Variants in VDAC1 observed in about 807,000 individuals in gnomAD.
The protein encoded by VDAC1 is non-selective voltage-gated ion channel VDAC1.
Under a neutral mutation model 34.7 loss-of-function variants are expected in VDAC1, and 10 were observed. The ratio of observed to expected loss-of-function variants is 0.29; its 90% CI spans 0.18 to 0.49. The LOEUF is 0.49. VDAC1 is among the 20% of genes least tolerant of loss of function. The pLI, the probability that VDAC1 is intolerant of heterozygous loss-of-function variation, is 0.99. For missense variants in VDAC1, 230 were observed against 347.9 expected (o/e 0.66, Z 2.69); for synonymous variants, 130 against 136.0 (o/e 0.96, Z 0.30).
At chr5:134,050,679 G>A in the VDAC1 span, among the ~76,000 whole-genome samples, 1 of 152,212 alleles carries the variant, frequency 6.6e-6, no homozygotes, top group Admixed American at 6.5e-5. Flanking sequence ...TTCTCCTAAT[G>A]GGAATTAGCC....
At chr5:134,019,301 G>C in the VDAC1 span, among the ~76,000 whole-genome samples, 1 of 152,142 alleles carries the variant, frequency 6.6e-6, no homozygotes. Context: ...ACTTTGGCCA[G>C]CCACAGTAGC....
Position 133,994,762 on chromosome 5 carries a change from G to A in VDAC1, c.-6-1744C>T, listed in dbSNP as rs1226218654. On this transcript the variant is annotated intron_variant, in intron 1 of 8. Coordinates refer to ENST00000265333, the MANE Select transcript of VDAC1 (RefSeq NM_003374.3). ...CCCAGAACATTCTCCACCCGACAGG[G>A]TTAACAAACCATCAGTGAACCAAGT... Among the ~76,000 whole-genome samples, 7 of 152,138 alleles carry A rather than the reference G, an allele frequency of 4.6e-5. No homozygotes were observed. The East Asian group carries it at 1.3e-3, about 29-fold the overall frequency.
intron 1 of VDAC1, among the ~76,000 whole-genome samples, chr5:133,997,774 G>GCTA (rs900373840): frequency 7.0e-6 from 1 of 143,186 alleles, no homozygotes; most frequent in African/African-American, 2.6e-5. Context: ...TAGCTATGAA[G>GCTA]CTACGATAGC....
chr5:134,102,827 G>A, the VDAC1 span, among the ~76,000 whole-genome samples: 1 of 152,100 alleles, frequency 6.6e-6, no homozygotes. Flanking sequence ...GCAGAGGAGG[G>A]TCCCTGCCTC....
the VDAC1 span, among the ~76,000 whole-genome samples, chr5:134,037,046 T>C: frequency 6.6e-6 from 1 of 151,630 alleles, no homozygotes. Flanking sequence ...CTCAGGCTGA[T>C]GAGGATGCAG....
chr5:134,048,161 G>C, the VDAC1 span, among the ~76,000 whole-genome samples: 1 of 151,752 alleles, frequency 6.6e-6, no homozygotes, highest in Non-Finnish European at 1.5e-5. Context: ...GTAGAGACGG[G>C]GTTTCACCCT....
chr5:134,109,170 T>G, the VDAC1 span, among the ~76,000 whole-genome samples: 4 of 152,152 alleles, frequency 2.6e-5, no homozygotes, highest in African/African-American at 9.7e-5. Context: ...CAAAAACTTC[T>G]GAGCACCGCA....
chr5:133,979,533 G>A (rs552153398), intron 6 of VDAC1, among the ~76,000 whole-genome samples: 3 of 138,816 alleles, frequency 2.2e-5, no homozygotes, highest in South Asian at 2.4e-4. Context: ...AGGTTCAAGC[G>A]ATTCTCCTGC....
the VDAC1 span, among the ~76,000 whole-genome samples, chr5:134,096,407 C>A: frequency 6.6e-6 from 1 of 152,210 alleles, no homozygotes; most frequent in Non-Finnish European, 1.5e-5. Flanking sequence ...GACTGAGCAG[C>A]CCCGGCTGCA....
the VDAC1 span, among the ~76,000 whole-genome samples, chr5:134,062,194 C>T: frequency 1.3e-5 from 2 of 151,410 alleles, no homozygotes; most frequent in African/African-American, 2.4e-5. Flanking sequence ...ACTATGTTGG[C>T]TAGGATGGTC....
chr5:134,029,366 G>A, the VDAC1 span, among the ~76,000 whole-genome samples: 2 of 152,184 alleles, frequency 1.3e-5, no homozygotes, highest in Admixed American at 1.3e-4. Context: ...CTGCACTTTG[G>A]GGTAATTTAT....
At chr5:134,097,689 T>C in the VDAC1 span, among the ~76,000 whole-genome samples, 800 of 152,220 alleles carry the variant, frequency 5.3e-3, 2 homozygotes, top group Non-Finnish European at 8.8e-3. Flanking sequence ...AAAATGCTCC[T>C]CTGGACGTGG....
At chr5:134,069,365 C>G in the VDAC1 span, among the ~76,000 whole-genome samples, 1 of 152,046 alleles carries the variant, frequency 6.6e-6, no homozygotes, top group African/African-American at 2.4e-5. Context: ...CCAGCCATCA[C>G]CTAATAATTC....
At chr5:134,028,592 A>G in the VDAC1 span, among the ~76,000 whole-genome samples, 1 of 152,184 alleles carries the variant, frequency 6.6e-6, no homozygotes, top group South Asian at 2.1e-4. Flanking sequence ...ACATCCAGTC[A>G]TCTAACAATG....
chr5:133,979,374 T>C (rs888012952), intron 6 of VDAC1, among the ~76,000 whole-genome samples: 2 of 152,050 alleles, frequency 1.3e-5, no homozygotes, highest in South Asian at 2.1e-4. Context: ...CTTTTTAGTA[T>C]GTTTCACCTC....
chr5:134,040,198 A>G, the VDAC1 span, among the ~76,000 whole-genome samples: 4 of 152,250 alleles, frequency 2.6e-5, no homozygotes, highest in African/African-American at 9.6e-5. Context: ...TGGGAGGCCA[A>G]GACGGGTGGA....
chr5:134,099,426 C>T, the VDAC1 span, among the ~76,000 whole-genome samples: 1 of 152,200 alleles, frequency 6.6e-6, no homozygotes, highest in Non-Finnish European at 1.5e-5. Flanking sequence ...GCTTCCTTTC[C>T]ACTTCCTCCT....
the VDAC1 span, among the ~76,000 whole-genome samples, chr5:134,072,292 A>G: frequency 2.0e-5 from 3 of 152,084 alleles, no homozygotes; most frequent in Non-Finnish European, 4.4e-5. Context: ...TACCCCAAAT[A>G]TTACTGCCCA....
At chr5:134,018,079 A>G in the VDAC1 span, among the ~76,000 whole-genome samples, 1 of 152,196 alleles carries the variant, frequency 6.6e-6, no homozygotes, top group Non-Finnish European at 1.5e-5. Context: ...TAATTTATAA[A>G]GAAAAGAGGT....
Sources: gnomAD v4.1 joint callset for allele counts (sites outside exome capture counted in the v4.1 genomes callset) on GRCh38, gnomAD v4.1.1 for gene constraint, MANE v1.5 for transcripts, NCBI Gene and HGNC (gene_info 2026-07-23, HGNC 2026-07-21) for gene names.